The following SRGAP3 variants were observed in gnomAD, a reference collection of about 807,000 sequenced individuals.
SRGAP3 encodes the protein SLIT-ROBO Rho GTPase-activating protein 3.
Under a neutral mutation model 121.1 loss-of-function variants are expected in SRGAP3, and 39 were observed. The observed-to-expected ratio is 0.32, with a 90% CI of 0.25 to 0.42. The LOEUF (loss-of-function observed/expected upper bound fraction) is 0.42. SRGAP3 is among the 10% of genes least tolerant of loss of function. SRGAP3 has a pLI of 1.00. For missense variants in SRGAP3, 1,213 were observed against 1,470.6 expected, an observed-to-expected ratio of 0.82 and a Z score of 2.86; for synonymous variants, 601 against 570.0, an observed-to-expected ratio of 1.05 and a Z score of -0.77.
At chr3:9,126,347 G>A (rs930841135) in intron 1 of SRGAP3, among the ~76,000 whole-genome samples, 11 of 152,326 alleles carry the variant, frequency 7.2e-5, no homozygotes, top group African/African-American at 2.6e-4. Flanking sequence ...AAATGTTCAT[G>A]TTGGCCAGGC....
chr3:9,251,344 C>T (rs868178442), upstream of SRGAP3, among the ~76,000 whole-genome samples: 5 of 152,184 alleles, frequency 3.3e-5, no homozygotes, highest in African/African-American at 7.2e-5. Flanking sequence ...TTGCCATCAC[C>T]CCACTGCCTC....
chr3:9,302,843 C>T (rs1251896463), intron 3 of SRGAP3, among the ~76,000 whole-genome samples: 1 of 152,076 alleles, frequency 6.6e-6, no homozygotes, highest in Non-Finnish European at 1.5e-5. Flanking sequence ...CTCTGCAATC[C>T]GAGCAAGGGG....
rs374158260 is a variant in SRGAP3 at position 8,992,189 on chromosome 3, C to T, written c.2558+717G>A. ...AATACCTACATGTGTGGGCTGACCA[C>T]ATGACCCCTCCACTGGAAAAAACAT... On this transcript the variant is annotated intron_variant, in intron 20 of 21. Transcript: ENST00000383836. Among the ~76,000 whole-genome samples, 11 of 152,346 alleles carry T rather than the reference C, an allele frequency of 7.2e-5. No individual in the cohort carries two copies. In the East Asian group the frequency reaches 1.3e-3, roughly 19 times the overall value.
At chr3:9,286,113 AAC>A (rs34023408) in intron 3 of SRGAP3, among the ~76,000 whole-genome samples, 13,295 of 134,858 alleles carry the variant, frequency 0.099, 610 homozygotes, top group Non-Finnish European at 0.12. Context: ...CCCTATCTCA[AAC>A]ACACACACAC....
chr3:9,348,766 G>A (rs1448526950), intron 1 of SRGAP3: 8 of 1,365,720 alleles, frequency 5.9e-6, no homozygotes, highest in Non-Finnish European at 8.3e-6. Flanking sequence ...AGCATGGTGA[G>A]GCCCAGGTGA....
At chr3:9,217,232 T>A (rs1952666632) in intron 1 of SRGAP3, 1 of 152,168 alleles carries the variant, frequency 6.6e-6, no homozygotes, top group Non-Finnish European at 1.5e-5. Flanking sequence ...AGTTCCTAAA[T>A]CAAAATCCAC....
chr3:9,051,965 G>C (rs946606055), intron 9 of SRGAP3, among the ~76,000 whole-genome samples: 4 of 152,098 alleles, frequency 2.6e-5, no homozygotes, highest in Non-Finnish European at 5.9e-5. Flanking sequence ...TGCCTGCCTT[G>C]GCCTCCCAAA....
chr3:9,342,926 G>C (rs1297613630), intron 1 of SRGAP3, among the ~76,000 whole-genome samples: 1 of 152,216 alleles, frequency 6.6e-6, no homozygotes, highest in Non-Finnish European at 1.5e-5. Context: ...CCTCGAACTT[G>C]TCCAACTGGT....
At chr3:9,355,471 C>T (rs894689316) in intron 1 of SRGAP3, among the ~76,000 whole-genome samples, 1 of 152,258 alleles carries the variant, frequency 6.6e-6, no homozygotes. Context: ...CACTCCTCTG[C>T]AGCCTCACTG....
chr3:9,010,384 G>T lies in SRGAP3; in HGVS notation c.2151C>A (p.Asp717Glu), dbSNP rs753253303. 5.0e-6 allele frequency: 8 copies of T among 1,614,066 alleles called. No individual in the cohort carries two copies. In the South Asian group the frequency reaches 8.8e-5, roughly 18 times the overall value. The change falls in exon 18 of 22, where the codon GAC becomes GAA. Residue 717 changes from aspartate (D) to glutamate (E), a missense_variant. This residue lies in a region of SRGAP3 where 793 missense variants were observed against 1,032.9 expected (regional missense o/e 0.77). Coordinates refer to ENST00000383836, the MANE Select transcript of SRGAP3 (RefSeq NM_014850.4). Reference sequence around the variant, plus strand: ...TGGCCCCTGGCTCGCTGTGTGGGCTGTCACTGCAAGGAAACACGGGAATGG... The same window carrying T: ...TGGCCCCTGGCTCGCTGTGTGGGCTTTCACTGCAAGGAAACACGGGAATGG... Reference protein sequence around the residue: ...KCMAGGEEYCDSPHSEPGAID... With the variant: ...KCMAGGEEYCESPHSEPGAID...
chr3:9,362,832 G>C (rs1327924551), intron 1 of SRGAP3: 1 of 152,186 alleles, frequency 6.6e-6, no homozygotes, highest in African/African-American at 2.4e-5. Flanking sequence ...CGCATGTGAA[G>C]CGCTTACCCA....
At chr3:9,220,212 TAA>T (rs1952766568) in intron 1 of SRGAP3, among the ~76,000 whole-genome samples, 1 of 152,194 alleles carries the variant, frequency 6.6e-6, no homozygotes, top group African/African-American at 2.4e-5. Flanking sequence ...AAAGAAATTA[TAA>T]AAGTTTGACG....
intron 1 of SRGAP3, among the ~76,000 whole-genome samples, chr3:9,340,674 T>C (rs765083856): frequency 8.5e-5 from 13 of 152,184 alleles, no homozygotes; most frequent in Non-Finnish European, 1.8e-4. Flanking sequence ...TTTTTTTACT[T>C]GCTGGGAAGA....
Position 8,983,581 on chromosome 3 carries a change from T to G in SRGAP3, c.*1938A>C, listed in dbSNP as rs548210582. The G allele has an allele frequency of 4.3e-6, 1 of 231,448 alleles. No individual in the cohort carries two copies. Among genetic ancestry groups the G allele is most frequent in the African/African-American group, 2.2e-5 (1 of 45,338 alleles). 14.3% of individuals were successfully genotyped at this position (231,448 alleles called of 1,614,324 possible). A position where few individuals can be genotyped will look rare whatever the true frequency, so the allele number is the denominator to read the frequency against. On this transcript the variant is annotated 3_prime_UTR_variant, in exon 22 of 22. Coordinates refer to ENST00000383836, the MANE Select transcript of SRGAP3 (RefSeq NM_014850.4). ...ATGGGCTGAAATGTTAATGATGGAATCCAGGGCTCTTATTAGGATGGCAGG... is the reference window on the plus strand; with the variant it reads ...ATGGGCTGAAATGTTAATGATGGAAGCCAGGGCTCTTATTAGGATGGCAGG...
At chr3:9,113,941 C>T (rs73017491) in intron 2 of SRGAP3, among the ~76,000 whole-genome samples, 10,328 of 152,184 alleles carry the variant, frequency 0.068, 409 homozygotes, top group African/African-American at 0.083. Flanking sequence ...ATCCCCCACC[C>T]ACCAGGAGTC....
At chr3:9,002,236 T>G (rs1287418333) in intron 18 of SRGAP3, among the ~76,000 whole-genome samples, 11 of 152,198 alleles carry the variant, frequency 7.2e-5, no homozygotes, top group Non-Finnish European at 2.9e-5. Context: ...AGGATAAAAT[T>G]ATTGATTTCT....
intron 3 of SRGAP3, among the ~76,000 whole-genome samples, chr3:9,256,314 C>G (rs1425471533): frequency 6.6e-6 from 1 of 152,204 alleles, no homozygotes; most frequent in Non-Finnish European, 1.5e-5. Flanking sequence ...TCTGGAAGAA[C>G]AGAAGTAAAG....
At chr3:9,134,324 T>C (rs1213046600) in intron 1 of SRGAP3, among the ~76,000 whole-genome samples, 1 of 152,066 alleles carries the variant, frequency 6.6e-6, no homozygotes, top group African/African-American at 2.4e-5. Context: ...TCTGCATACA[T>C]CCTGAAAACC....
chr3:9,018,856 C>T (rs1943769715), intron 14 of SRGAP3, among the ~76,000 whole-genome samples: 1 of 152,220 alleles, frequency 6.6e-6, no homozygotes, highest in Non-Finnish European at 1.5e-5. Context: ...CTTCTCTCCT[C>T]CACACCTTTT....
Sources: gnomAD v4.1 joint callset for allele counts (sites outside exome capture counted in the v4.1 genomes callset) on GRCh38, gnomAD v4.1.1 for gene constraint, gnomAD v4.1.1 regional missense constraint, MANE v1.5 for transcripts, NCBI Gene and HGNC (gene_info 2026-07-23, HGNC 2026-07-21) for gene names.